COL11A2: variants seen among roughly 807,000 people sequenced by gnomAD.
The protein encoded by COL11A2 is collagen type XI alpha 2 chain, also known as collagen alpha-2(XI) chain.
COL11A2 carries 116 observed loss-of-function variants against 273.4 expected under a neutral mutation model. That is an observed-to-expected ratio of 0.42 (90% CI 0.36 to 0.49). The LOEUF (loss-of-function observed/expected upper bound fraction) is 0.49, where lower values mean the gene tolerates loss of function less well. Among genes scored for constraint, COL11A2 ranks in the 20% least tolerant of loss-of-function variants. The pLI is 0.00. For missense variants in COL11A2, 1,866 were observed against 2,309.0 expected (o/e 0.81, Z 3.93); for synonymous variants, 782 against 864.2 (o/e 0.90, Z 1.67).
At position 33,169,268 on chromosome 6, in the gene COL11A2, C is replaced by T; in HGVS notation, c.3798+115G>A. 1 of 979,174 alleles carries T rather than the reference C, an allele frequency of 1.0e-6. No homozygotes were observed. Among genetic ancestry groups the T allele is most frequent in the East Asian group, 2.6e-5 (1 of 38,090 alleles). The allele number at this position is 979,174 out of a possible 1,614,324, so 60.7% of individuals were successfully genotyped here. ...TCTGGATGCCCCATTCCCAGAGCAT[C>T]CCCCAAACTCCCGGGCTCCCCACAC... On this transcript the variant is annotated intron_variant, in intron 51 of 65. Transcript: ENST00000341947. This position sits in a 1 kb window ranked among gnomAD's most constrained non-coding sequence, Gnocchi z 5.5.
chr6:33,180,559 C>T (rs1258488985), intron 11 of COL11A2, 109 bp downstream of exon 11: 1 of 1,103,384 alleles, frequency 9.1e-7, no homozygotes, highest in Non-Finnish European at 1.3e-6. Flanking sequence ...ACCATCCCCT[C>T]ATTCATTAAC....
chr6:33,172,236 G>GTA, intron 40 of COL11A2, 53 bp downstream of exon 40: 1 of 1,481,704 alleles, frequency 6.7e-7, no homozygotes, highest in Non-Finnish European at 9.4e-7. Flanking sequence ...TCGGGGTGGG[G>GTA]ACTCAGGATG....
chr6:33,169,578 C>T lies in COL11A2; in HGVS notation c.3691-88G>A. On this transcript the variant is annotated intron_variant, in intron 50 of 65. Transcript: ENST00000341947. This position sits in a 1 kb window ranked among gnomAD's most constrained non-coding sequence, Gnocchi z 5.5. ...TGCTTCCGAGACACCTTCAGCCATC[C>T]CCTACTCCCCTCAGTGACAATGGGA... 1 of 1,298,376 alleles carries T rather than the reference C, an allele frequency of 7.7e-7. No individual in the cohort carries two copies. The highest frequency in any genetic ancestry group is 1.1e-6 in the Non-Finnish European group (1 of 905,660). 80.4% of individuals were successfully genotyped at this position (1,298,376 alleles called of 1,614,324 possible). A position where few individuals can be genotyped will look rare whatever the true frequency, so the allele number is the denominator to read the frequency against.
At chr6:33,185,844 C>T (rs1383669000) in intron 5 of COL11A2, 66 bp from the exon 6 acceptor site, 3 of 415,496 alleles carry the variant, frequency 7.2e-6, no homozygotes, top group Non-Finnish European at 1.5e-5. Flanking sequence ...GGGTGAAGGG[C>T]GGGAGAGGGA....
rs781289663 is a variant in COL11A2 at position 33,165,573 on chromosome 6, G to A, written c.4726C>T (p.Leu1576=). Residue 1576 remains leucine, a synonymous_variant, in exon 63 of 66, where the codon CTG becomes TTG. Coordinates refer to ENST00000341947, the MANE Select transcript of COL11A2 (RefSeq NM_080680.3). This position sits in a 1 kb window ranked among gnomAD's most constrained non-coding sequence, Gnocchi z 7.7. ...SPARTCQDLK[L]CHPELPDGEY... ...CCATCGGGAAGCTCTGGGTGGCACA[G>A]CTTCAGGTCCTGGCAGGTGCGAGCA... The A allele has an allele frequency of 1.2e-6, 2 of 1,613,440 alleles. No individual in the cohort carries two copies. Among genetic ancestry groups the A allele is most frequent in the East Asian group, 2.2e-5 (1 of 44,870 alleles).
At chr6:33,180,484 G>T (rs1771575365) in intron 11 of COL11A2, 152 bp from the exon 12 acceptor site, 1 of 934,600 alleles carries the variant, frequency 1.1e-6, no homozygotes. Context: ...AATTGAGGGT[G>T]AGAAACCAGA....
In COL11A2 at chr6:33,163,325, C is replaced by T; in HGVS notation, c.*353G>A. ...CTCTTTTTTGTTATTTTGCTTTCCA[C>T]ACTTTAAATAATTAATACAATTACT... On this transcript the variant is annotated 3_prime_UTR_variant, in exon 66 of 66. Coordinates refer to ENST00000341947, the MANE Select transcript of COL11A2 (RefSeq NM_080680.3). This position sits in a 1 kb window ranked among gnomAD's most constrained non-coding sequence, Gnocchi z 4.1. The T allele has an allele frequency of 6.4e-6, 2 of 314,606 alleles. No individual in the cohort carries two copies. Among genetic ancestry groups the T allele is most frequent in the Non-Finnish European group, 1.2e-5 (2 of 170,574 alleles). 19.5% of individuals were successfully genotyped at this position (314,606 alleles called of 1,614,324 possible).
At position 33,170,201 on chromosome 6, in the gene COL11A2, T is replaced by A; in HGVS notation, c.3583-101A>T. The A allele has an allele frequency of 7.0e-6, 11 of 1,575,620 alleles. No individual in the cohort carries two copies. The highest frequency in any genetic ancestry group is 9.6e-6 in the Non-Finnish European group (11 of 1,146,598). On this transcript the variant is annotated intron_variant, in intron 48 of 65. Coordinates refer to ENST00000341947, the MANE Select transcript of COL11A2 (RefSeq NM_080680.3). The surrounding 1 kb of genome is among the most constrained non-coding windows in gnomAD (Gnocchi z 4.3). ...GCCCAAGGTTACAGCAGTGAGGCAGTGGAGGCCTCCCGGGAGTAAGGGCTT... is the reference window on the plus strand; with the variant it reads ...GCCCAAGGTTACAGCAGTGAGGCAGAGGAGGCCTCCCGGGAGTAAGGGCTT...
rs756608043 is a variant in COL11A2 at position 33,189,465 on chromosome 6, T to C, written c.87A>G (p.Ala29=). Residue 29 remains alanine (A), a synonymous_variant, in exon 2 of 66, where the codon GCA becomes GCG. Transcript: ENST00000341947. The surrounding 1 kb of genome is among the most constrained non-coding windows in gnomAD (Gnocchi z 5.6). The part of the protein sequence containing the change: ...GLSAAPGWAG[A]PPVDVLRALR... ...GGGCCCGGAGCACATCCACAGGGGG[T>C]GCACCTGGGAGAGTCCATGATTATC... 4 of 1,612,654 alleles carry C rather than the reference T, an allele frequency of 2.5e-6. No homozygotes were observed. In the Admixed American group the frequency reaches 6.7e-5, roughly 27 times the overall value.
chr6:33,163,653 T>C lies in COL11A2; in HGVS notation c.*25A>G, dbSNP rs1309080595. Reference sequence around the variant, plus strand: ...GATTCCAGGTGGGCCTGGTTCCGAATGGACAGGATCAGACAGAGACGGTCC... The same window carrying C: ...GATTCCAGGTGGGCCTGGTTCCGAACGGACAGGATCAGACAGAGACGGTCC... On this transcript the variant is annotated 3_prime_UTR_variant, in exon 66 of 66. Transcript: ENST00000341947. This position sits in a 1 kb window ranked among gnomAD's most constrained non-coding sequence, Gnocchi z 4.1. 2 of 1,612,760 alleles carry C rather than the reference T, an allele frequency of 1.2e-6. No individual in the cohort carries two copies. Among genetic ancestry groups the C allele is most frequent in the Admixed American group, 1.7e-5 (1 of 59,994 alleles).
chr6:33,180,701 C>T lies in COL11A2; in HGVS notation c.1251G>A (p.Gly417=), dbSNP rs753031136. The T allele has an allele frequency of 1.1e-5, 17 of 1,611,038 alleles. No individual in the cohort carries two copies. The highest frequency in any genetic ancestry group is 1.4e-5 in the Non-Finnish European group (16 of 1,179,198). The change falls in exon 11 of 66, where the codon GGG becomes GGA. Residue 417 remains glycine (G), a synonymous_variant. Transcript: ENST00000341947. ...CAGGGTCTCCAACTGGGCCTGGGTT[C>T]CCCTGGATGCCAGGGGGACCAATCA... The part of the protein sequence containing the change: ...AGLIGPPGIQ[G]NPGPVGDPGE...
chr6:33,169,294 T>C lies in COL11A2; in HGVS notation c.3798+89A>G. The stretch of plus-strand genomic sequence containing the variant: ...CCCCAAACTCCCGGGCTCCCCACAC[T>C]CCAAGATCCTCCCTCACACACACCC... On this transcript the variant is annotated intron_variant, in intron 51 of 65. Transcript: ENST00000341947. This position sits in a 1 kb window ranked among gnomAD's most constrained non-coding sequence, Gnocchi z 5.5. 7.9e-7 allele frequency: 1 copy of C among 1,260,150 alleles called. No individual in the cohort carries two copies. The highest frequency in any genetic ancestry group is 1.2e-5 in the South Asian group (1 of 80,036). 78.1% of individuals were successfully genotyped at this position (1,260,150 alleles called of 1,614,324 possible). A position where few individuals can be genotyped will look rare whatever the true frequency, so the allele number is the denominator to read the frequency against.
At chr6:33,175,702 G>A in intron 29 of COL11A2, 21 bp from the exon 30 acceptor site, 1 of 1,604,356 alleles carries the variant, frequency 6.2e-7, no homozygotes, top group Non-Finnish European at 8.5e-7. Flanking sequence ...GGGAAGGACA[G>A]GTGAGTGCTG....
chr6:33,192,486 G>C (rs1455194722), upstream of COL11A2: 1 of 563,418 alleles, frequency 1.8e-6, no homozygotes, highest in South Asian at 2.1e-5. Context: ...CCACCCTGGC[G>C]CCCAGAGCCC....
At chr6:33,183,770 CAAG>C (rs1178344908) in intron 8 of COL11A2, among the ~76,000 whole-genome samples, 1 of 151,878 alleles carries the variant, frequency 6.6e-6, no homozygotes, top group East Asian at 1.9e-4. Flanking sequence ...ATTATTTCAC[CAAG>C]AAGAAATGAT....
At chr6:33,175,305 G>A (rs565854690) in intron 30 of COL11A2, among the ~76,000 whole-genome samples, 92 of 152,252 alleles carry the variant, frequency 6.0e-4, no homozygotes, top group African/African-American at 2.1e-3. Context: ...CTTGGAGTCC[G>A]AACGCATGTT....
At chr6:33,187,724 T>A (rs1267721699) in intron 4 of COL11A2, among the ~76,000 whole-genome samples, 1 of 151,642 alleles carries the variant, frequency 6.6e-6, no homozygotes, top group African/African-American at 2.4e-5. Flanking sequence ...GGATGGGAAG[T>A]AAGTGGGTCA....
rs570441175 is a variant in COL11A2 at position 33,168,778 on chromosome 6, G to T, written c.3853-19C>A. The stretch of plus-strand genomic sequence containing the variant: ...CCTGGCCCTGCAGAAGTGAAGCAAG[G>T]TCAGAGGTGGGCCCCCAACCTGGCT... On this transcript the variant is annotated intron_variant, in intron 52 of 65. Coordinates refer to ENST00000341947, the MANE Select transcript of COL11A2 (RefSeq NM_080680.3). 5 of 1,597,362 alleles carry T rather than the reference G, an allele frequency of 3.1e-6. No individual in the cohort carries two copies. Among genetic ancestry groups the T allele is most frequent in the Non-Finnish European group, 4.3e-6 (5 of 1,171,902 alleles).
chr6:33,174,188 C>A lies in COL11A2; in HGVS notation c.2461G>T (p.Ala821Ser). ...ACCCGGGCTCCCTTCTCTCCACTGG[C>A]ACCAGGAAAGCCAGGAAATCCTAGG... is the stretch of plus-strand genomic sequence containing the variant. ...GSLGFPGFPG[A>S]SGEKGARGLS... Residue 821 changes from alanine to serine, a missense_variant, in exon 32 of 66, where the codon GCC becomes TCC. By Grantham distance (99) the Ala-to-Ser change is moderately conservative. Coordinates refer to ENST00000341947, the MANE Select transcript of COL11A2 (RefSeq NM_080680.3). 1 of 1,581,420 alleles carries A rather than the reference C, an allele frequency of 6.3e-7. No homozygotes were observed. Among genetic ancestry groups the A allele is most frequent in the Admixed American group, 1.8e-5 (1 of 56,590 alleles).
Sources: allele counts gnomAD v4.1 joint callset (sites outside exome capture counted in the v4.1 genomes callset), GRCh38; gene constraint gnomAD v4.1.1; non-coding constraint Gnocchi (gnomAD v3.1); transcripts MANE v1.5; gene names NCBI Gene and HGNC (gene_info 2026-07-23, HGNC 2026-07-21).